The following SPATA21 variants were observed in gnomAD, a reference collection of about 807,000 sequenced individuals.
SPATA21 encodes the protein spermatogenesis-associated protein 21.
SPATA21 carries 47 observed loss-of-function variants against 54.8 expected under a neutral mutation model. The observed-to-expected ratio is 0.86, with a 90% CI of 0.68 to 1.09. The LOEUF is 1.09. Among genes scored for constraint, SPATA21 ranks in the 50% least tolerant of loss-of-function variants. The pLI is 0.00. For synonymous variants in SPATA21, 245 were observed against 235.3 expected (o/e 1.04, Z -0.38); for missense variants, 599 against 596.4 (o/e 1.00, Z -0.05).
At position 16,414,616 on chromosome 1, in the gene SPATA21, C is replaced by T. The variant is rs569518702; in HGVS notation, c.145-4573G>A. On this transcript the variant is annotated intron_variant, in intron 5 of 12. Coordinates refer to ENST00000335496, the MANE Select transcript of SPATA21 (RefSeq NM_198546.1). ...TACGGTTGAAATAATCATAGCTGGA[C>T]GGGCGCGGTGGCTCACGCCTGTAAT... Among the ~76,000 whole-genome samples, 5 of 151,772 alleles carry T rather than the reference C, an allele frequency of 3.3e-5. No individual in the cohort carries two copies. In the South Asian group the frequency reaches 8.4e-4, roughly 26 times the overall value.
chr1:16,415,851 C>T (rs2085991495), intron 5 of SPATA21, among the ~76,000 whole-genome samples: 1 of 152,238 alleles, frequency 6.6e-6, no homozygotes, highest in African/African-American at 2.4e-5. Context: ...AGCCACCACA[C>T]CCGGCCAAAT....
chr1:16,431,343 G>A lies in SPATA21; in HGVS notation c.29C>T (p.Thr10Met), dbSNP rs761140482. 9.3e-6 allele frequency: 15 copies of A among 1,614,002 alleles called. No individual in the cohort carries two copies. The highest frequency in any genetic ancestry group is 2.7e-5 in the African/African-American group (2 of 74,898). ...CCCTGGAGCCTTGGTTCTACCCTCC[G>A]TGTACATCTGGGTGTTTCTATTGTC... Reference protein sequence around the residue: MDNRNTQMYTEEEKTVNPFL... With the variant: MDNRNTQMYMEEEKTVNPFL... Residue 10 changes from threonine (T) to methionine (M), a missense_variant, in exon 3 of 13, where the codon ACG becomes ATG. Thr to Met is a moderately conservative substitution (Grantham distance 81, BLOSUM62 -1). Transcript: ENST00000335496.
chr1:16,436,714 A>G (rs1175049239), intron 1 of SPATA21, among the ~76,000 whole-genome samples: 1 of 151,916 alleles, frequency 6.6e-6, no homozygotes, highest in African/African-American at 2.4e-5. Flanking sequence ...TGCAGTGAGC[A>G]GAGACTGCAC....
downstream of SPATA21, chr1:16,396,081 T>A (rs2085306943): frequency 1.3e-5 from 2 of 152,400 alleles, no homozygotes; most frequent in Non-Finnish European, 2.9e-5. Flanking sequence ...TGCCAGGGAG[T>A]GAGATTGCAT....
chr1:16,432,019 A>G (rs1464747190), intron 2 of SPATA21, among the ~76,000 whole-genome samples: 1 of 152,088 alleles, frequency 6.6e-6, no homozygotes, highest in African/African-American at 2.4e-5. Context: ...CAGGGCCCCA[A>G]AGTCTCCAGC....
At chr1:16,415,483 C>T (rs1430720933) in intron 5 of SPATA21, among the ~76,000 whole-genome samples, 3 of 152,222 alleles carry the variant, frequency 2.0e-5, no homozygotes, top group African/African-American at 7.2e-5. Context: ...AGTCCGGGGC[C>T]TCTGCCCCTG....
At chr1:16,407,945 T>C (rs889932929) in intron 7 of SPATA21, among the ~76,000 whole-genome samples, 4 of 152,118 alleles carry the variant, frequency 2.6e-5, no homozygotes, top group African/African-American at 9.7e-5. Context: ...TTTAAAGTTT[T>C]TGTAGATGTG....
At chr1:16,399,574 G>A in intron 11 of SPATA21, 53 bp from the exon 12 acceptor site, 1 of 1,567,350 alleles carries the variant, frequency 6.4e-7, no homozygotes, top group Non-Finnish European at 8.7e-7. Context: ...CCCAGCCTTG[G>A]GAAGCAGGCA....
At position 16,436,427 on chromosome 1, in the gene SPATA21, C is replaced by T. The variant is rs2086587653; in HGVS notation, c.-187+701G>A. On this transcript the variant is annotated intron_variant, in intron 1 of 12. Coordinates refer to ENST00000335496, the MANE Select transcript of SPATA21 (RefSeq NM_198546.1). ...AAATACAGATAGGGTGCAGTGTATA[C>T]TGCTCAGGTGATGGGTGGACCAAAA... 3.3e-5 allele frequency among the ~76,000 whole-genome samples: 5 copies of T among 149,922 alleles called. No individual in the cohort carries two copies. In the South Asian group the frequency reaches 1.1e-3, roughly 32 times the overall value.
At chr1:16,425,125 GC>G (rs1223581011) in intron 3 of SPATA21, 1 of 432,070 alleles carries the variant, frequency 2.3e-6, no homozygotes, top group Admixed American at 2.6e-5. Context: ...TACCATGTTG[GC>G]CAGGCTGGTC....
At chr1:16,395,830 C>G (rs1364138974), downstream of SPATA21, 1 of 154,322 alleles carries the variant, frequency 6.5e-6, no homozygotes, top group Non-Finnish European at 1.4e-5. Flanking sequence ...GGGCAGGGCT[C>G]TGCAGCCGCC....
chr1:16,419,175 A>G (rs751128908), intron 5 of SPATA21, among the ~76,000 whole-genome samples: 2 of 152,198 alleles, frequency 1.3e-5, no homozygotes, highest in African/African-American at 2.4e-5. Context: ...TGATGTCGAA[A>G]TTGAAAGTGA....
chr1:16,409,978 C>G lies in SPATA21; in HGVS notation c.210G>C (p.Ala70=). 3.7e-6 allele frequency: 6 copies of G among 1,607,300 alleles called. No homozygotes were observed. Among genetic ancestry groups the G allele is most frequent in the Non-Finnish European group, 4.2e-6 (5 of 1,176,842 alleles). Residue 70 remains alanine (A), a synonymous_variant, in exon 6 of 13, where the codon GCG becomes GCC. Transcript: ENST00000335496. This position sits in a 1 kb window ranked among gnomAD's most constrained non-coding sequence, Gnocchi z 4.1. The part of the protein sequence containing the change: ...DRAQQQPQKP[A]VAAGTQSLGN... ...CGAGGCTCTGTGTCCCTGCAGCCAC[C>G]GCGGGCTTCTGAGGCTGCTGCTGCG...
In SPATA21 at chr1:16,428,248, C is replaced by T. The variant is rs531732403; in HGVS notation, c.34+3090G>A. Among the ~76,000 whole-genome samples, 1 of 152,248 alleles carries T rather than the reference C, an allele frequency of 6.6e-6. No homozygotes were observed. Among genetic ancestry groups the T allele is most frequent in the South Asian group, 2.1e-4 (1 of 4,822 alleles). On this transcript the variant is annotated intron_variant, in intron 3 of 12. Coordinates refer to ENST00000335496, the MANE Select transcript of SPATA21 (RefSeq NM_198546.1). This position sits in a 1 kb window ranked among gnomAD's most constrained non-coding sequence, Gnocchi z 4.3. ...GTAAGGCTCTGGTATGAACTGGAGTCCAGATTAGTACCCGAGACAAGGGGA... is the reference window on the plus strand; with the variant it reads ...GTAAGGCTCTGGTATGAACTGGAGTTCAGATTAGTACCCGAGACAAGGGGA...
Position 16,432,890 on chromosome 1 carries a change from T to G in SPATA21, c.-152A>C, listed in dbSNP as rs1482193605. 1 of 152,216 alleles carries G rather than the reference T, an allele frequency of 6.6e-6. No individual in the cohort carries two copies. The highest frequency in any genetic ancestry group is 2.4e-5 in the African/African-American group (1 of 41,452). 9.4% of individuals were successfully genotyped at this position (152,216 alleles called of 1,614,324 possible). On this transcript the variant is annotated 5_prime_UTR_variant, in exon 2 of 13. Coordinates refer to ENST00000335496, the MANE Select transcript of SPATA21 (RefSeq NM_198546.1). ...GTGCTGGAAACCTTTGTAAACAGTATTCTCCTAACAGCCCTGTGAAGTCTG... is the reference window on the plus strand; with the variant it reads ...GTGCTGGAAACCTTTGTAAACAGTAGTCTCCTAACAGCCCTGTGAAGTCTG...
chr1:16,436,024 G>A (rs899026268), intron 1 of SPATA21, among the ~76,000 whole-genome samples: 12 of 152,024 alleles, frequency 7.9e-5, no homozygotes, highest in African/African-American at 2.4e-4. Flanking sequence ...AGGCTGAGGC[G>A]GGCGGATCAT....
Position 16,428,120 on chromosome 1 carries a change from A to G in SPATA21, c.34+3218T>C. Reference sequence around the variant, plus strand: ...TGGGTACTCTTCTGGCCTCAAGGACAGGGAGATCCTGTGCCTGATTGGGGA... The same window carrying G: ...TGGGTACTCTTCTGGCCTCAAGGACGGGGAGATCCTGTGCCTGATTGGGGA... On this transcript the variant is annotated intron_variant, in intron 3 of 12. Coordinates refer to ENST00000335496, the MANE Select transcript of SPATA21 (RefSeq NM_198546.1). The surrounding 1 kb of genome is among the most constrained non-coding windows in gnomAD (Gnocchi z 4.3). 7.2e-7 allele frequency: 1 copy of G among 1,395,830 alleles called. No individual in the cohort carries two copies. The highest frequency in any genetic ancestry group is 9.5e-7 in the Non-Finnish European group (1 of 1,048,572). The allele number at this position is 1,395,830 out of a possible 1,614,324, so 86.5% of individuals were successfully genotyped here. A position where few individuals can be genotyped will look rare whatever the true frequency, so the allele number is the denominator to read the frequency against.
intron 7 of SPATA21, 85 bp from the exon 8 acceptor site, chr1:16,405,189 C>G (rs2085593049): frequency 2.6e-6 from 4 of 1,516,376 alleles, no homozygotes; most frequent in Non-Finnish European, 3.5e-6. Flanking sequence ...CTCCTGCCAG[C>G]CTCCTCCACC....
chr1:16,413,066 G>A (rs2085899357), intron 5 of SPATA21, among the ~76,000 whole-genome samples: 1 of 151,906 alleles, frequency 6.6e-6, no homozygotes, highest in African/African-American at 2.4e-5. Flanking sequence ...ATAGGCGTGA[G>A]CCACCACGCC....
Sources: gnomAD v4.1 joint callset for allele counts (sites outside exome capture counted in the v4.1 genomes callset) on GRCh38, gnomAD v4.1.1 for gene constraint, Gnocchi (gnomAD v3.1) non-coding constraint, MANE v1.5 for transcripts, NCBI Gene and HGNC (gene_info 2026-07-23, HGNC 2026-07-21) for gene names.